TSPAN9: variants seen among roughly 807,000 people sequenced by gnomAD.
TSPAN9 encodes the protein tetraspanin 9.
Under a neutral mutation model 31.0 loss-of-function variants are expected in TSPAN9, and 16 were observed. That is an observed-to-expected ratio of 0.52 (90% CI 0.35 to 0.78). The LOEUF (loss-of-function observed/expected upper bound fraction) is 0.78. TSPAN9 is among the 30% of genes least tolerant of loss of function. The pLI, the probability that TSPAN9 is intolerant of heterozygous loss-of-function variation, is 0.01. For synonymous variants in TSPAN9, 145 were observed against 121.6 expected, an observed-to-expected ratio of 1.19 and a Z score of -1.27; for missense variants, 272 against 312.5, an observed-to-expected ratio of 0.87 and a Z score of 0.98.
At chr12:3,223,437 G>A (rs1462974194) in intron 3 of TSPAN9, among the ~76,000 whole-genome samples, 1 of 152,230 alleles carries the variant, frequency 6.6e-6, no homozygotes, top group African/African-American at 2.4e-5. Flanking sequence ...GACCTCGTTT[G>A]TTCCAGAGCC....
At chr12:3,159,736 T>C (rs1438706615) in intron 2 of TSPAN9, among the ~76,000 whole-genome samples, 2 of 152,128 alleles carry the variant, frequency 1.3e-5, no homozygotes, top group East Asian at 3.9e-4. Context: ...GAGAGGATAT[T>C]AAGATAGAAA....
intron 2 of TSPAN9, among the ~76,000 whole-genome samples, chr12:3,177,817 A>G (rs538280898): frequency 8.7e-4 from 133 of 152,384 alleles, no homozygotes; most frequent in South Asian, 5.6e-3. Flanking sequence ...TACAACCAGG[A>G]AACAAAGAAG....
chr12:3,109,299 T>TGAGAGAGA (rs150191079), intron 2 of TSPAN9, among the ~76,000 whole-genome samples: 5 of 118,304 alleles, frequency 4.2e-5, no homozygotes, highest in African/African-American at 1.4e-4. Flanking sequence ...TGTGTGTGTG[T>TGAGAGAGA]GAGAGAGAGT....
chr12:3,275,238 C>T (rs868354746), intron 3 of TSPAN9, among the ~76,000 whole-genome samples: 2 of 152,148 alleles, frequency 1.3e-5, no homozygotes, highest in African/African-American at 4.8e-5. Flanking sequence ...TCGGAAGGGG[C>T]CCCCCGCTGC....
At chr12:3,152,365 C>A (rs2098340228) in intron 2 of TSPAN9, among the ~76,000 whole-genome samples, 1 of 152,262 alleles carries the variant, frequency 6.6e-6, no homozygotes, top group Non-Finnish European at 1.5e-5. Context: ...TGGCATCCCA[C>A]CGGCCCCTCT....
At chr12:3,247,511 G>C (rs755852435) in intron 3 of TSPAN9, among the ~76,000 whole-genome samples, 9 of 152,134 alleles carry the variant, frequency 5.9e-5, no homozygotes, top group Non-Finnish European at 1.0e-4. Context: ...AATCCTCTTC[G>C]GAGACAGACA....
intron 3 of TSPAN9, among the ~76,000 whole-genome samples, chr12:3,246,939 A>G (rs1027309021): frequency 6.6e-6 from 1 of 152,172 alleles, no homozygotes; most frequent in African/African-American, 2.4e-5. Context: ...GAAGTGGGGC[A>G]GGTTCCAGGA....
chr12:3,184,039 G>C (rs2098359800), intron 2 of TSPAN9, among the ~76,000 whole-genome samples: 1 of 152,140 alleles, frequency 6.6e-6, no homozygotes, highest in Non-Finnish European at 1.5e-5. Flanking sequence ...GGAAGGGAGG[G>C]GGAGGGAGAA....
chr12:3,276,584 C>G (rs145088383), intron 3 of TSPAN9, among the ~76,000 whole-genome samples: 1 of 152,344 alleles, frequency 6.6e-6, no homozygotes, highest in African/African-American at 2.4e-5. Flanking sequence ...TTTGCTTAAA[C>G]ACCACCTCTT....
At chr12:3,205,730 C>CCA (rs1334500784) in intron 3 of TSPAN9, among the ~76,000 whole-genome samples, 1 of 140,978 alleles carries the variant, frequency 7.1e-6, no homozygotes, top group African/African-American at 2.7e-5. Flanking sequence ...CCCCCCCCCC[C>CCA]AGAGTGCTCA....
At chr12:3,267,318 C>T (rs1003634152) in intron 3 of TSPAN9, among the ~76,000 whole-genome samples, 4 of 152,230 alleles carry the variant, frequency 2.6e-5, no homozygotes, top group Admixed American at 6.5e-5. Flanking sequence ...AAGTGCTCGG[C>T]AGGCGGAACC....
In TSPAN9 at chr12:3,201,189, G is replaced by A; in HGVS notation, c.-5G>A. 1 of 1,614,124 alleles carries A rather than the reference G, an allele frequency of 6.2e-7. No homozygotes were observed. Among genetic ancestry groups the A allele is most frequent in the Non-Finnish European group, 8.5e-7 (1 of 1,179,986 alleles). On this transcript the variant is annotated 5_prime_UTR_variant, in exon 3 of 9. Transcript: ENST00000011898. ...GTGTTCCTCCTAGAATTTAAGAAGT[G>A]CAACATGGCCAGGGGCTGCCTCTGC...
At chr12:3,131,150 T>A (rs562747854) in intron 2 of TSPAN9, among the ~76,000 whole-genome samples, 8 of 147,798 alleles carry the variant, frequency 5.4e-5, no homozygotes, top group Admixed American at 4.7e-4. Context: ...AGAAACCGGA[T>A]GTTTATGGAG....
intron 2 of TSPAN9, among the ~76,000 whole-genome samples, chr12:3,191,740 G>T (rs1191856456): frequency 6.6e-6 from 1 of 152,184 alleles, no homozygotes; most frequent in African/African-American, 2.4e-5. Flanking sequence ...GTGTAAAGCA[G>T]TGAGGGAGAC....
At chr12:3,154,415 A>G (rs1384119444) in intron 2 of TSPAN9, among the ~76,000 whole-genome samples, 2 of 152,158 alleles carry the variant, frequency 1.3e-5, no homozygotes, top group Admixed American at 6.5e-5. Context: ...ATCTGACCCC[A>G]TTCAAAGCAA....
Position 3,278,176 on chromosome 12 carries a change from G to C in TSPAN9, c.64-245G>C, listed in dbSNP as rs553017652. Among the ~76,000 whole-genome samples the C allele has an allele frequency of 3.9e-5, 6 of 152,306 alleles. No individual in the cohort carries two copies. In the South Asian group the frequency reaches 1.2e-3, roughly 32 times the overall value. On this transcript the variant is annotated intron_variant, in intron 3 of 8. Coordinates refer to ENST00000011898, the MANE Select transcript of TSPAN9 (RefSeq NM_006675.5). The stretch of plus-strand genomic sequence containing the variant: ...ATCCATCCTCAGAATGACCTGGGAG[G>C]CTCTTGAAACTGGCACAGTCTCCGT...
In TSPAN9 at chr12:3,170,600, C is replaced by G. The variant is rs529972986; in HGVS notation, c.-17-30577C>G. 2.0e-5 allele frequency among the ~76,000 whole-genome samples: 3 copies of G among 149,378 alleles called. No homozygotes were observed. The highest frequency in any genetic ancestry group is 7.4e-5 in the African/African-American group (3 of 40,342). Reference sequence around the variant, plus strand: ...CTGAGTCAGTTCTGTGTGGGGGGGTCGTGATGGGGGAGCAGATGGCCCTGG... The same window carrying G: ...CTGAGTCAGTTCTGTGTGGGGGGGTGGTGATGGGGGAGCAGATGGCCCTGG... On this transcript the variant is annotated intron_variant, in intron 2 of 8. Transcript: ENST00000011898. The surrounding 1 kb of genome is among the most constrained non-coding windows in gnomAD (Gnocchi z 4.4).
At chr12:3,222,945 T>C (rs1361056669) in intron 3 of TSPAN9, among the ~76,000 whole-genome samples, 2 of 147,720 alleles carry the variant, frequency 1.4e-5, no homozygotes, top group African/African-American at 5.0e-5. Flanking sequence ...GAGCCATCAC[T>C]GGAAAGTGCC....
intron 3 of TSPAN9, chr12:3,215,154 A>T (rs1007246175): frequency 6.6e-6 from 1 of 152,210 alleles, no homozygotes; most frequent in African/African-American, 2.4e-5. Context: ...GGATTCAAGA[A>T]CCTGTCCTAC....
Sources: gnomAD v4.1 joint callset for allele counts (sites outside exome capture counted in the v4.1 genomes callset) on GRCh38, gnomAD v4.1.1 for gene constraint, Gnocchi (gnomAD v3.1) non-coding constraint, MANE v1.5 for transcripts, NCBI Gene and HGNC (gene_info 2026-07-23, HGNC 2026-07-21) for gene names.